The following EP300 variants were observed in gnomAD, a reference collection of about 807,000 sequenced individuals.
The protein encoded by EP300 is histone acetyltransferase p300.
A neutral mutation model predicts 264.0 loss-of-function variants in EP300; 31 were observed. The ratio of observed to expected loss-of-function variants is 0.12; its 90% CI spans 0.09 to 0.16. EP300 has a LOEUF of 0.16. EP300 is among the 10% of genes least tolerant of loss of function. The pLI, the probability that EP300 is intolerant of heterozygous loss-of-function variation, is 1.00. For synonymous variants in EP300, 1,340 were observed against 1,045.4 expected (o/e 1.28, Z -5.44); for missense variants, 2,766 against 3,052.9 (o/e 0.91, Z 2.21).
rs906355559 is a variant in EP300, at chr22:41,179,783, G to A, written c.*827G>A. On this transcript the variant is annotated 3_prime_UTR_variant, in exon 31 of 31. Transcript: ENST00000263253. Reference sequence around the variant, plus strand: ...TAACAAAGTAAAAAAATTAAAAAGAGGGTAAGAAACGATTCCGGTGGGATG... The same window carrying A: ...TAACAAAGTAAAAAAATTAAAAAGAAGGTAAGAAACGATTCCGGTGGGATG... 8.7e-6 allele frequency: 2 copies of A among 230,042 alleles called. No individual in the cohort carries two copies. Among genetic ancestry groups the A allele is most frequent in the African/African-American group, 4.4e-5 (2 of 44,988 alleles). 14.3% of individuals were successfully genotyped at this position (230,042 alleles called of 1,614,324 possible).
chr22:41,152,407 C>G (rs2145741376), intron 16 of EP300, 57 bp downstream of exon 16: 1 of 1,571,820 alleles, frequency 6.4e-7, no homozygotes. Context: ...AGACCCAGGG[C>G]AGAATTGCGG....
At position 41,176,236 on chromosome 22, in the gene EP300, CTGTT is replaced by C. The variant is rs773212113; in HGVS notation, c.4780-9_4780-6del. 63 of 1,614,104 alleles carry C rather than the reference CTGTT, an allele frequency of 3.9e-5. No individual in the cohort carries two copies. Among genetic ancestry groups the C allele is most frequent in the Non-Finnish European group, 2.1e-5 (25 of 1,179,980 alleles). ...CCCTGTCTCAAAAAAAAGAGACTGT[CTGTT>C]TTTCAGGTCTTCTTTGTGATCCGCC... On this transcript the variant is annotated splice_region_variant and splice_polypyrimidine_tract_variant and intron_variant, in intron 29 of 30. Coordinates refer to ENST00000263253, the MANE Select transcript of EP300 (RefSeq NM_001429.4).
intron 23 of EP300, among the ~76,000 whole-genome samples, chr22:41,167,584 GTATATATATATATATATATA>G (rs56131556): frequency 0.034 from 1,180 of 34,364 alleles, 26 homozygotes; most frequent in African/African-American, 0.035. Flanking sequence ...GTGTGTGTGT[GTATATATATATATATATATA>G]TATATATATA....
chr22:41,141,754 G>T (rs905682445), intron 10 of EP300, among the ~76,000 whole-genome samples: 2 of 150,380 alleles, frequency 1.3e-5, no homozygotes, highest in Non-Finnish European at 2.9e-5. Flanking sequence ...TTGGATCACT[G>T]CAGCCTCCGC....
In EP300 at chr22:41,131,629, C is replaced by G. The variant is rs1159111129; in HGVS notation, c.1524C>G (p.Asn508Lys). ...CCCAAGGCATGCGGCCCATGAGCAA[C>G]ATGAGTAAGTTTGTGTCATCCTAAT... is the stretch of plus-strand genomic sequence containing the variant. ...QSPQGMRPMS[N>K]MSASPMGVNG... The change falls in exon 6 of 31, where the codon AAC becomes AAG. Residue 508 changes from asparagine to lysine, a missense_variant. Physicochemically the swap from Asn to Lys is moderately conservative, Grantham distance 94. Transcript: ENST00000263253. The G allele has an allele frequency of 1.2e-6, 2 of 1,614,020 alleles. No individual in the cohort carries two copies. The highest frequency in any genetic ancestry group is 2.7e-5 in the African/African-American group (2 of 74,930).
chr22:41,140,404 G>T, intron 9 of EP300, 147 bp downstream of exon 9: 1 of 760,566 alleles, frequency 1.3e-6, no homozygotes, highest in East Asian at 2.5e-5. Context: ...AGCATAGTTA[G>T]GATACCAAAG....
At chr22:41,153,150 C>A (rs1377845930) in intron 16 of EP300, among the ~76,000 whole-genome samples, 1 of 152,162 alleles carries the variant, frequency 6.6e-6, no homozygotes, top group Non-Finnish European at 1.5e-5. Flanking sequence ...ACCCTACTGC[C>A]TGGGCCAGGA....
At position 41,141,038 on chromosome 22, in the gene EP300, A is replaced by C. The variant is rs769876342; in HGVS notation, c.1879-10A>C. The C allele has an allele frequency of 1.9e-6, 3 of 1,613,262 alleles. No homozygotes were observed. The highest frequency in any genetic ancestry group is 2.5e-6 in the Non-Finnish European group (3 of 1,179,666). ...CTCATCTCCCTTATTTTACTTCAAC[A>C]ATTCAAAAGGCGGAATACTACCACC... On this transcript the variant is annotated splice_polypyrimidine_tract_variant and intron_variant, in intron 9 of 30. Coordinates refer to ENST00000263253, the MANE Select transcript of EP300 (RefSeq NM_001429.4).
intron 10 of EP300, among the ~76,000 whole-genome samples, chr22:41,141,791 C>T (rs748103599): frequency 6.6e-6 from 1 of 152,078 alleles, no homozygotes; most frequent in Non-Finnish European, 1.5e-5. Flanking sequence ...ATTCTCCCAC[C>T]TCAGCCTTCC....
At chr22:41,133,011 G>C (rs1429461411) in intron 6 of EP300, among the ~76,000 whole-genome samples, 1 of 152,138 alleles carries the variant, frequency 6.6e-6, no homozygotes. Context: ...TATTTTGTTT[G>C]AGTAGTTAGA....
chr22:41,157,023 G>C, intron 17 of EP300, 146 bp from the exon 18 acceptor site: 1 of 899,970 alleles, frequency 1.1e-6, no homozygotes, highest in Non-Finnish European at 1.7e-6. Context: ...TTAAAGAAGT[G>C]ATGGACATCA....
At chr22:41,117,853 G>C (rs538846086) in intron 2 of EP300, 32 bp downstream of exon 2, 1 of 1,612,488 alleles carries the variant, frequency 6.2e-7, no homozygotes, top group African/African-American at 1.3e-5. Context: ...GTGCACAATC[G>C]GCATGCATGT....
At chr22:41,171,682 G>A (rs985055379) in intron 27 of EP300, among the ~76,000 whole-genome samples, 1 of 151,162 alleles carries the variant, frequency 6.6e-6, no homozygotes, top group African/African-American at 2.4e-5. Context: ...GTTTCAGGCT[G>A]GAGTGCAATG....
At chr22:41,120,840 T>C (rs1485156324) in intron 2 of EP300, among the ~76,000 whole-genome samples, 1 of 152,164 alleles carries the variant, frequency 6.6e-6, no homozygotes, top group Non-Finnish European at 1.5e-5. Flanking sequence ...TACCTCAGAC[T>C]CCTAAGTAGC....
chr22:41,136,004 G>T (rs775664668), intron 7 of EP300, 98 bp downstream of exon 7: 35 of 936,736 alleles, frequency 3.7e-5, no homozygotes, highest in Non-Finnish European at 6.1e-5. Flanking sequence ...TCGGTTTGAG[G>T]ATGTCTTTGA....
At chr22:41,142,098 T>G (rs373635399) in intron 10 of EP300, among the ~76,000 whole-genome samples, 3 of 152,214 alleles carry the variant, frequency 2.0e-5, no homozygotes, top group African/African-American at 7.2e-5. Flanking sequence ...AATCGTTGAC[T>G]TATTGGTACG....
intron 1 of EP300, among the ~76,000 whole-genome samples, chr22:41,101,520 T>A (rs184941548): frequency 1.3e-5 from 2 of 151,546 alleles, no homozygotes; most frequent in Non-Finnish European, 2.9e-5. Context: ...CATGCCATTC[T>A]CCTGCCTCAG....
At chr22:41,162,643 G>A in intron 20 of EP300, 80 bp from the exon 21 acceptor site, 1 of 1,142,080 alleles carries the variant, frequency 8.8e-7, no homozygotes, top group Non-Finnish European at 1.3e-6. Flanking sequence ...ATAGGGTGAA[G>A]TTTGTTCCTT....
At chr22:41,102,155 G>C (rs1051688019) in intron 1 of EP300, among the ~76,000 whole-genome samples, 2 of 150,780 alleles carry the variant, frequency 1.3e-5, no homozygotes, top group African/African-American at 4.9e-5. Flanking sequence ...CAGTTATTCT[G>C]TATTAGGCCA....
Sources: allele counts gnomAD v4.1 joint callset (sites outside exome capture counted in the v4.1 genomes callset), GRCh38; gene constraint gnomAD v4.1.1; transcripts MANE v1.5; gene names NCBI Gene and HGNC (gene_info 2026-07-23, HGNC 2026-07-21).